GPSM3: variants seen among roughly 807,000 people sequenced by gnomAD.
The protein encoded by GPSM3 is G protein signaling modulator 3.
GPSM3 carries 16 observed loss-of-function variants against 20.4 expected under a neutral mutation model. That is an observed-to-expected ratio of 0.78 (90% CI 0.53 to 1.19). The LOEUF is 1.19. GPSM3 is among the 50% of genes most tolerant of loss of function. GPSM3 has a pLI of 0.00. For missense variants in GPSM3, 177 were observed against 204.6 expected, an observed-to-expected ratio of 0.86 and a Z score of 0.82; for synonymous variants, 70 against 79.6, an observed-to-expected ratio of 0.88 and a Z score of 0.64.
chr6:32,194,611 G>T (rs956737079), upstream of GPSM3: 10 of 172,312 alleles, frequency 5.8e-5, no homozygotes, highest in Non-Finnish European at 1.3e-4. The surrounding 1 kb of genome is among the most constrained non-coding windows in gnomAD (Gnocchi z 4.5). Flanking sequence ...TGGCCCAAGG[G>T]TTGGGGACCC....
rs1336045760 is a variant in GPSM3, at chr6:32,192,565, G to A, written c.-52C>T. ...GAGGGGTGGCTGGGATTTGGGAGGA[G>A]GGCTGGAACCTTGGGTTCCTGAGGG... On this transcript the variant is annotated 5_prime_UTR_variant, in exon 1 of 4. Transcript: ENST00000375040. The surrounding 1 kb of genome is among the most constrained non-coding windows in gnomAD (Gnocchi z 5.1). The A allele has an allele frequency of 1.6e-5, 23 of 1,483,808 alleles. No individual in the cohort carries two copies. Among genetic ancestry groups the A allele is most frequent in the Non-Finnish European group, 1.9e-5 (21 of 1,088,246 alleles). The allele number at this position is 1,483,808 out of a possible 1,614,324, so 91.9% of individuals were successfully genotyped here.
upstream of GPSM3, chr6:32,193,143 C>T (rs940250897): frequency 2.6e-5 from 4 of 152,788 alleles, no homozygotes; most frequent in African/African-American, 7.2e-5. The surrounding 1 kb of genome is among the most constrained non-coding windows in gnomAD (Gnocchi z 4.7). Context: ...GGGTCCAACA[C>T]ATAGTAAGTA....
At position 32,191,765 on chromosome 6, in the gene GPSM3, G is replaced by A. The variant is rs1434800463; in HGVS notation, c.289C>T (p.Pro97Ser). ...PQNPSSLAPA[P>S]LRPLEDREQL... The stretch of plus-strand genomic sequence containing the variant: ...TCTCTGTCCTCGAGAGGACGGAGTG[G>A]GGCAGGGGCTAGGCTTGAGGGGTTT... The change falls in exon 3 of 4, where the codon CCA (proline) becomes TCA (serine). Residue 97 changes from proline to serine, a missense_variant. Coordinates refer to ENST00000375040, the MANE Select transcript of GPSM3 (RefSeq NM_001276501.2). The surrounding 1 kb of genome is among the most constrained non-coding windows in gnomAD (Gnocchi z 5.9). The A allele has an allele frequency of 6.2e-7, 1 of 1,612,788 alleles. No homozygotes were observed. Among genetic ancestry groups the A allele is most frequent in the Admixed American group, 1.7e-5 (1 of 60,016 alleles).
Position 32,192,184 on chromosome 6 carries a change from G to A in GPSM3, c.109C>T (p.Pro37Ser). The change falls in exon 2 of 4, where the codon CCT becomes TCT. Residue 37 changes from proline to serine, a missense_variant. By Grantham distance (74) the Pro-to-Ser change is moderately conservative. Transcript: ENST00000375040. This position sits in a 1 kb window ranked among gnomAD's most constrained non-coding sequence, Gnocchi z 5.1. The stretch of plus-strand genomic sequence containing the variant: ...GTCCCTGGAGGAGGAGGGGATGGAG[G>A]AGCAGATCGCCAAGGCCGAGTGGTG... Reference protein sequence around the residue: ...NSTTRPWRSAPPSPPPPGTRH... With the variant: ...NSTTRPWRSASPSPPPPGTRH... 5.3e-6 allele frequency: 8 copies of A among 1,512,496 alleles called. No homozygotes were observed. Among genetic ancestry groups the A allele is most frequent in the Non-Finnish European group, 7.1e-6 (8 of 1,130,940 alleles). The allele number at this position is 1,512,496 out of a possible 1,614,324, so 93.7% of individuals were successfully genotyped here.
In GPSM3 at chr6:32,191,474, C is replaced by G; in HGVS notation, c.375G>C (p.Glu125Asp). Reference protein sequence around the residue: ...QCQRMEAQRSEPPLPPGGQEL... With the variant: ...QCQRMEAQRSDPPLPPGGQEL... Reference sequence around the variant, plus strand: ...CTTGCCCCCCTGGAGGGAGGGGAGGCTCTGACCGCTGGGCTTCCATCCGCT... The same window carrying G: ...CTTGCCCCCCTGGAGGGAGGGGAGGGTCTGACCGCTGGGCTTCCATCCGCT... The change falls in exon 4 of 4, where the codon GAG (glutamate) becomes GAC (aspartate). Residue 125 changes from glutamate (E) to aspartate (D), a missense_variant. Glu to Asp is a conservative substitution (Grantham distance 45, BLOSUM62 2). Coordinates refer to ENST00000375040, the MANE Select transcript of GPSM3 (RefSeq NM_001276501.2). The surrounding 1 kb of genome is among the most constrained non-coding windows in gnomAD (Gnocchi z 5.9). The G allele has an allele frequency of 6.3e-7, 1 of 1,576,896 alleles. No homozygotes were observed. The highest frequency in any genetic ancestry group is 8.6e-7 in the Non-Finnish European group (1 of 1,162,636).
Position 32,191,779 on chromosome 6 carries a change from C to T in GPSM3, c.275G>A (p.Ser92Asn). ...ATFYTPQNPSSLAPAPLRPLE... is the reference protein window; with the variant it reads ...ATFYTPQNPSNLAPAPLRPLE... ...AGGACGGAGTGGGGCAGGGGCTAGG[C>T]TTGAGGGGTTTTGGGGGGTGTAGAA... The change falls in exon 3 of 4, where the codon AGC (serine) becomes AAC (asparagine). Residue 92 changes from serine (S) to asparagine (N), a missense_variant. Coordinates refer to ENST00000375040, the MANE Select transcript of GPSM3 (RefSeq NM_001276501.2). This position sits in a 1 kb window ranked among gnomAD's most constrained non-coding sequence, Gnocchi z 5.9. The T allele has an allele frequency of 6.2e-7, 1 of 1,612,446 alleles. No individual in the cohort carries two copies. Among genetic ancestry groups the T allele is most frequent in the Non-Finnish European group, 8.5e-7 (1 of 1,179,764 alleles).
chr6:32,195,221 T>G, upstream of GPSM3: 1 of 563,364 alleles, frequency 1.8e-6, no homozygotes, highest in Non-Finnish European at 3.1e-6. This position sits in a 1 kb window ranked among gnomAD's most constrained non-coding sequence, Gnocchi z 5.4. Context: ...GGAGGAGGAC[T>G]GGGCCTGCCT....
Position 32,191,918 on chromosome 6 carries a change from G to A in GPSM3, c.146-10C>T. The A allele has an allele frequency of 6.2e-7, 1 of 1,610,008 alleles. No homozygotes were observed. Among genetic ancestry groups the A allele is most frequent in the South Asian group, 1.1e-5 (1 of 90,970 alleles). ...GAGCGGGGTCCCAGGGCTGGGGAGA[G>A]GGGTGTGGAGGGCTCAGAGACCCAG... is the stretch of plus-strand genomic sequence containing the variant. On this transcript the variant is annotated splice_polypyrimidine_tract_variant and intron_variant, in intron 2 of 3. Coordinates refer to ENST00000375040, the MANE Select transcript of GPSM3 (RefSeq NM_001276501.2). This position sits in a 1 kb window ranked among gnomAD's most constrained non-coding sequence, Gnocchi z 5.9.
At chr6:32,193,491 C>T (rs1787673619), upstream of GPSM3, among the ~76,000 whole-genome samples, 1 of 152,210 alleles carries the variant, frequency 6.6e-6, no homozygotes, top group African/African-American at 2.4e-5. This position sits in a 1 kb window ranked among gnomAD's most constrained non-coding sequence, Gnocchi z 4.7. Flanking sequence ...CAGAGCGAGA[C>T]TCCGTCTCCA....
At chr6:32,193,486 C>T (rs991300829), upstream of GPSM3, among the ~76,000 whole-genome samples, 11 of 152,148 alleles carry the variant, frequency 7.2e-5, 1 homozygote, top group East Asian at 1.7e-3. The surrounding 1 kb of genome is among the most constrained non-coding windows in gnomAD (Gnocchi z 4.7). Flanking sequence ...GGTGACAGAG[C>T]GAGACTCCGT....
At chr6:32,195,477 T>G (rs142575217), upstream of GPSM3, 18 of 1,611,476 alleles carry the variant, frequency 1.1e-5, no homozygotes, top group African/African-American at 2.7e-5. The surrounding 1 kb of genome is among the most constrained non-coding windows in gnomAD (Gnocchi z 5.4). Context: ...GGGCATTTCT[T>G]GGAGGGCTGG....
Position 32,191,412 on chromosome 6 carries a change from C to A in GPSM3, c.437G>T (p.Gly146Val). The change falls in exon 4 of 4, where the codon GGT (glycine) becomes GTT (valine). Residue 146 changes from glycine to valine, a missense_variant. Coordinates refer to ENST00000375040, the MANE Select transcript of GPSM3 (RefSeq NM_001276501.2). This position sits in a 1 kb window ranked among gnomAD's most constrained non-coding sequence, Gnocchi z 5.9. ...CCGGGACCTTTGCTCCTCCATTCGA[C>A]CCCCACCCTGAACTCTCAGCAGCAA... ...LELLLRVQGG[G>V]RMEEQRSRPP... 1 of 1,593,524 alleles carries A rather than the reference C, an allele frequency of 6.3e-7. No individual in the cohort carries two copies. Among genetic ancestry groups the A allele is most frequent in the Non-Finnish European group, 8.5e-7 (1 of 1,172,168 alleles).
upstream of GPSM3, among the ~76,000 whole-genome samples, chr6:32,194,573 T>C (rs1387880088): frequency 6.6e-6 from 1 of 152,146 alleles, no homozygotes; most frequent in African/African-American, 2.4e-5. The surrounding 1 kb of genome is among the most constrained non-coding windows in gnomAD (Gnocchi z 4.5). Flanking sequence ...GCCCAGTTCC[T>C]AAGAGGCCAT....
At chr6:32,195,002 C>G (rs547664010), upstream of GPSM3, 5 of 242,788 alleles carry the variant, frequency 2.1e-5, 1 homozygote, top group Admixed American at 2.7e-4. The surrounding 1 kb of genome is among the most constrained non-coding windows in gnomAD (Gnocchi z 5.4). Context: ...GGCCACTTTT[C>G]AGCACCTACA....
Sources: gnomAD v4.1 joint callset for allele counts (sites outside exome capture counted in the v4.1 genomes callset) on GRCh38, gnomAD v4.1.1 for gene constraint, Gnocchi (gnomAD v3.1) non-coding constraint, MANE v1.5 for transcripts, NCBI Gene and HGNC (gene_info 2026-07-23, HGNC 2026-07-21) for gene names.